Variants in WAC observed in about 807,000 individuals in gnomAD.
The protein encoded by WAC is WW domain-containing adapter protein with coiled-coil.
In WAC, 11 loss-of-function variants were observed where a neutral mutation model predicts 79.6. The observed-to-expected ratio is 0.14, with a 90% confidence interval of 0.09 to 0.23. WAC has a LOEUF of 0.23. Ranked by LOEUF, WAC falls within the 10% of genes least tolerant of loss-of-function variation. The pLI is 1.00. For synonymous variants in WAC, 304 were observed against 276.9 expected (o/e 1.10, Z -0.97); for missense variants, 728 against 773.5 (o/e 0.94, Z 0.70).
chr10:28,585,506 G>A (rs900345764), intron 4 of WAC, among the ~76,000 whole-genome samples: 1 of 151,754 alleles, frequency 6.6e-6, no homozygotes, highest in African/African-American at 2.4e-5. Flanking sequence ...GCGTGCTATC[G>A]TCAAACTATT....
intron 11 of WAC, 119 bp from the exon 12 acceptor site, chr10:28,616,054 A>G: frequency 1.2e-6 from 1 of 813,036 alleles, no homozygotes; most frequent in African/African-American, 1.7e-5. Flanking sequence ...AAAATAACAA[A>G]TTTTTCTTAG....
intron 3 of WAC, among the ~76,000 whole-genome samples, chr10:28,581,561 T>C (rs2532743): frequency 6.6e-6 from 1 of 151,754 alleles, no homozygotes; most frequent in Non-Finnish European, 1.5e-5. Flanking sequence ...TTTGTTTGTT[T>C]GTTTGTTTTT....
chr10:28,557,271 A>G (rs1205858725), intron 3 of WAC, among the ~76,000 whole-genome samples: 1 of 152,216 alleles, frequency 6.6e-6, no homozygotes, highest in African/African-American at 2.4e-5. Context: ...ATGCATTTTC[A>G]GTGCCAATAA....
At chr10:28,568,754 T>C (rs1838787978) in intron 3 of WAC, among the ~76,000 whole-genome samples, 1 of 152,098 alleles carries the variant, frequency 6.6e-6, no homozygotes, top group African/African-American at 2.4e-5. Context: ...GCTTATTTAT[T>C]ACAGAGACGG....
intron 7 of WAC, among the ~76,000 whole-genome samples, chr10:28,607,863 ATAAT>A (rs1841036183): frequency 6.6e-6 from 1 of 152,244 alleles, no homozygotes; most frequent in East Asian, 1.9e-4. Context: ...TGGTTAATAA[ATAAT>A]TATCTTTGAG....
At chr10:28,543,431 G>C (rs1055373745) in intron 3 of WAC, among the ~76,000 whole-genome samples, 1 of 152,158 alleles carries the variant, frequency 6.6e-6, no homozygotes, top group Non-Finnish European at 1.5e-5. Flanking sequence ...TTGAAACCTA[G>C]TGTCTATTTA....
At chr10:28,546,992 A>G (rs1398431487) in intron 3 of WAC, among the ~76,000 whole-genome samples, 3 of 151,434 alleles carry the variant, frequency 2.0e-5, no homozygotes, top group Non-Finnish European at 2.9e-5. Flanking sequence ...TAGAATTTTT[A>G]TTATCTCTGG....
At chr10:28,572,449 A>G (rs1399982052) in intron 3 of WAC, among the ~76,000 whole-genome samples, 1 of 152,134 alleles carries the variant, frequency 6.6e-6, no homozygotes, top group Non-Finnish European at 1.5e-5. Flanking sequence ...AAGCTGAGAA[A>G]TCAAACATGA....
intron 2 of WAC, 75 bp from the exon 3 acceptor site, chr10:28,535,487 A>G (rs1270729978): frequency 1.4e-6 from 2 of 1,451,248 alleles, no homozygotes; most frequent in South Asian, 1.5e-5. Context: ...ATAATACACC[A>G]AAGTTTATGT....
chr10:28,578,744 C>G (rs1291932561), intron 3 of WAC, among the ~76,000 whole-genome samples: 1 of 152,060 alleles, frequency 6.6e-6, no homozygotes, highest in Admixed American at 6.6e-5. Context: ...TTGTGTCCTT[C>G]TCACCCTTAA....
intron 7 of WAC, 73 bp downstream of exon 7, chr10:28,596,114 C>T: frequency 3.5e-6 from 5 of 1,428,720 alleles, no homozygotes; most frequent in Non-Finnish European, 3.8e-6. Flanking sequence ...TTATATATTA[C>T]ATTATTTCCT....
In WAC at chr10:28,619,688, A is replaced by T; in HGVS notation, c.*82A>T. 1 of 1,243,452 alleles carries T rather than the reference A, an allele frequency of 8.0e-7. No homozygotes were observed. The highest frequency in any genetic ancestry group is 1.5e-5 in the South Asian group (1 of 64,914). The allele number at this position is 1,243,452 out of a possible 1,614,324, so 77.0% of individuals were successfully genotyped here. A position where few individuals can be genotyped will look rare whatever the true frequency, so the allele number is the denominator to read the frequency against. On this transcript the variant is annotated 3_prime_UTR_variant, in exon 14 of 14. Transcript: ENST00000354911. Reference sequence around the variant, plus strand: ...TCTTAACATTTTTGAGCTGCATTTAAGTAGACTTTGGACCGTTAAGCTGGG... The same window carrying T: ...TCTTAACATTTTTGAGCTGCATTTATGTAGACTTTGGACCGTTAAGCTGGG...
intron 3 of WAC, among the ~76,000 whole-genome samples, chr10:28,545,869 A>G (rs935590594): frequency 1.3e-5 from 2 of 152,200 alleles, no homozygotes; most frequent in Non-Finnish European, 1.5e-5. Flanking sequence ...TAGGTACTAC[A>G]TTTCCACCAT....
At chr10:28,541,415 G>GTGTTTTTTTTTTTT (rs1212601285) in intron 3 of WAC, among the ~76,000 whole-genome samples, 4 of 37,904 alleles carry the variant, frequency 1.1e-4, no homozygotes, top group Admixed American at 4.1e-4. Context: ...GTGTGTGTGT[G>GTGTTTTTTTTTTTT]TTTTGTTTTT....
intron 3 of WAC, among the ~76,000 whole-genome samples, chr10:28,573,315 A>G (rs1255782160): frequency 6.6e-6 from 1 of 151,710 alleles, no homozygotes; most frequent in Admixed American, 6.6e-5. Context: ...TCAAAGCCCA[A>G]CTCCCCAATT....
At chr10:28,617,553 A>C (rs1841525850) in intron 12 of WAC, 104 bp from the exon 13 acceptor site, 1 of 1,097,418 alleles carries the variant, frequency 9.1e-7, no homozygotes, top group African/African-American at 1.7e-5. Flanking sequence ...AGGGAAAAGG[A>C]TTATTCTCTA....
At position 28,533,613 on chromosome 10, in the gene WAC, A is replaced by G; in HGVS notation, c.34A>G (p.Ser12Gly). The stretch of plus-strand genomic sequence containing the variant: ...GTATGCGAGGAAACAGCAGAGACTC[A>G]GTGATGGGTAAATTGTCTTTTCGTT... Reference protein sequence around the residue: ...VMYARKQQRLSDGCHDRRGDS... With the variant: ...VMYARKQQRLGDGCHDRRGDS... The change falls in exon 1 of 14, where the codon AGT becomes GGT. Residue 12 changes from serine (S) to glycine (G), a missense_variant. Coordinates refer to ENST00000354911, the MANE Select transcript of WAC (RefSeq NM_016628.5). 6.3e-7 allele frequency: 1 copy of G among 1,587,536 alleles called. No homozygotes were observed. Among genetic ancestry groups the G allele is most frequent in the South Asian group, 1.1e-5 (1 of 89,530 alleles).
intron 3 of WAC, among the ~76,000 whole-genome samples, chr10:28,574,464 A>T (rs1364480976): frequency 6.6e-6 from 1 of 151,380 alleles, no homozygotes; most frequent in Non-Finnish European, 1.5e-5. Flanking sequence ...TGTTTTTGAG[A>T]CAGTGTCTCA....
intron 3 of WAC, among the ~76,000 whole-genome samples, chr10:28,579,178 T>A (rs907069684): frequency 1.3e-5 from 2 of 152,104 alleles, no homozygotes; most frequent in Non-Finnish European, 2.9e-5. Context: ...AGATGAATTT[T>A]TTTTTTTTTT....
Sources: allele counts gnomAD v4.1 joint callset (sites outside exome capture counted in the v4.1 genomes callset), GRCh38; gene constraint gnomAD v4.1.1; transcripts MANE v1.5; gene names NCBI Gene and HGNC (gene_info 2026-07-23, HGNC 2026-07-21).